The following DPYSL3 variants were observed in gnomAD, a reference collection of about 807,000 sequenced individuals.
DPYSL3 encodes dihydropyrimidinase like 3, also known as dihydropyrimidinase-related protein 3.
Under a neutral mutation model 66.1 loss-of-function variants are expected in DPYSL3, and 16 were observed. The ratio of observed to expected loss-of-function variants is 0.24; its 90% CI spans 0.16 to 0.37. DPYSL3 has a LOEUF of 0.37. DPYSL3 is among the 10% of genes least tolerant of loss of function. The probability of loss-of-function intolerance (pLI) is 1.00; values close to 1 mark genes in which losing one functional copy is unlikely to be tolerated. For synonymous variants in DPYSL3, 338 were observed against 345.1 expected (o/e 0.98, Z 0.23); for missense variants, 738 against 916.2 (o/e 0.81, Z 2.51).
chr5:147,442,929 T>C (rs375573349), intron 1 of DPYSL3, among the ~76,000 whole-genome samples: 41 of 152,336 alleles, frequency 2.7e-4, no homozygotes, highest in African/African-American at 9.4e-4. Context: ...TTATTGTCCT[T>C]ATTGTTTGTG....
At chr5:147,487,041 C>G (rs1187404829) in intron 1 of DPYSL3, among the ~76,000 whole-genome samples, 1 of 152,162 alleles carries the variant, frequency 6.6e-6, no homozygotes, top group African/African-American at 2.4e-5. Flanking sequence ...CTCCGAGAGG[C>G]CTTCTTTTCC....
chr5:147,442,387 G>C (rs111290389), intron 1 of DPYSL3, among the ~76,000 whole-genome samples: 1 of 152,144 alleles, frequency 6.6e-6, no homozygotes, highest in Non-Finnish European at 1.5e-5. Context: ...ATTCAAGAGC[G>C]GGAGGAAATG....
intron 1 of DPYSL3, among the ~76,000 whole-genome samples, chr5:147,443,925 G>A (rs1441344093): frequency 6.6e-6 from 1 of 152,104 alleles, no homozygotes; most frequent in Non-Finnish European, 1.5e-5. Flanking sequence ...GAGGGCTAGA[G>A]GGCTTCCTGA....
At chr5:147,461,603 C>T (rs1752933724) in intron 1 of DPYSL3, among the ~76,000 whole-genome samples, 1 of 152,172 alleles carries the variant, frequency 6.6e-6, no homozygotes, top group African/African-American at 2.4e-5. Context: ...TCACTACGGC[C>T]ACCTACTAAT....
At chr5:147,443,470 G>A (rs1395941611) in intron 1 of DPYSL3, among the ~76,000 whole-genome samples, 1 of 152,048 alleles carries the variant, frequency 6.6e-6, no homozygotes, top group Non-Finnish European at 1.5e-5. Flanking sequence ...ACACACACCA[G>A]GGCCTGTTGG....
intron 8 of DPYSL3, among the ~76,000 whole-genome samples, chr5:147,403,988 C>A (rs1437497742): frequency 6.6e-6 from 1 of 152,148 alleles, no homozygotes; most frequent in Non-Finnish European, 1.5e-5. Context: ...CCCTAGGTCA[C>A]CCTAAGAATG....
intron 1 of DPYSL3, among the ~76,000 whole-genome samples, chr5:147,475,131 C>T (rs530178549): frequency 6.6e-6 from 1 of 152,120 alleles, no homozygotes; most frequent in African/African-American, 2.4e-5. Flanking sequence ...ACTTACATCC[C>T]CGCAAAAACC....
chr5:147,496,674 A>G (rs1413235945), intron 1 of DPYSL3, among the ~76,000 whole-genome samples: 23 of 152,142 alleles, frequency 1.5e-4, no homozygotes, highest in Middle Eastern at 3.4e-3. Context: ...GGCCATCAGA[A>G]AAATGCAAAT....
chr5:147,501,548 G>A (rs552254716), intron 1 of DPYSL3, among the ~76,000 whole-genome samples: 2 of 134,764 alleles, frequency 1.5e-5, no homozygotes, highest in East Asian at 2.2e-4. Flanking sequence ...ATAGTGTCAC[G>A]ATCTGGGCTC....
chr5:147,434,385 G>A (rs1752376745), intron 1 of DPYSL3, among the ~76,000 whole-genome samples: 1 of 152,152 alleles, frequency 6.6e-6, no homozygotes, highest in African/African-American at 2.4e-5. Flanking sequence ...GCCATGGGTG[G>A]AAGCTCTCTT....
intron 1 of DPYSL3, among the ~76,000 whole-genome samples, chr5:147,465,589 T>A (rs1463490266): frequency 6.6e-6 from 1 of 152,256 alleles, no homozygotes; most frequent in East Asian, 1.9e-4. Flanking sequence ...GGTGAGCCAC[T>A]GTTCCCGGCC....
intron 2 of DPYSL3, 117 bp from the exon 3 acceptor site, chr5:147,418,748 T>A: frequency 1.1e-6 from 1 of 937,266 alleles, no homozygotes; most frequent in Non-Finnish European, 1.5e-6. Context: ...TTTATCAAAT[T>A]AAACTTTGCA....
chr5:147,478,373 A>G (rs1465416331), intron 1 of DPYSL3, among the ~76,000 whole-genome samples: 1 of 152,232 alleles, frequency 6.6e-6, no homozygotes, highest in African/African-American at 2.4e-5. Context: ...CCTCAGTAAG[A>G]AAGAAGGAGA....
At chr5:147,475,926 C>G (rs1022713603) in intron 1 of DPYSL3, among the ~76,000 whole-genome samples, 1 of 152,100 alleles carries the variant, frequency 6.6e-6, no homozygotes, top group African/African-American at 2.4e-5. Context: ...GATTCTGTTT[C>G]TGCAGATAAC....
chr5:147,510,066 A>C lies in DPYSL3; in HGVS notation c.-208T>G. The C allele has an allele frequency of 3.9e-6, 3 of 774,822 alleles. No individual in the cohort carries two copies. The highest frequency in any genetic ancestry group is 5.7e-6 in the Non-Finnish European group (3 of 522,536). 48.0% of individuals were successfully genotyped at this position (774,822 alleles called of 1,614,324 possible). A position where few individuals can be genotyped will look rare whatever the true frequency, so the allele number is the denominator to read the frequency against. ...GCTAGCGCGCGGAGCAGGGGCCCAGAGTAGCGCCGCGCTTGGCTCACTCGC... is the reference window on the plus strand; with the variant it reads ...GCTAGCGCGCGGAGCAGGGGCCCAGCGTAGCGCCGCGCTTGGCTCACTCGC... On this transcript the variant is annotated 5_prime_UTR_variant, in exon 1 of 14. Transcript: ENST00000343218.
chr5:147,494,531 T>G (rs796758059), intron 1 of DPYSL3, among the ~76,000 whole-genome samples: 3 of 150,558 alleles, frequency 2.0e-5, no homozygotes, highest in South Asian at 4.2e-4. Flanking sequence ...ATATCAGAAA[T>G]GAAATAGGGA....
At chr5:147,479,406 T>C (rs1249813387) in intron 1 of DPYSL3, among the ~76,000 whole-genome samples, 1 of 152,186 alleles carries the variant, frequency 6.6e-6, no homozygotes, top group Non-Finnish European at 1.5e-5. Context: ...AAATCCCTAG[T>C]GCACAGGACA....
intron 11 of DPYSL3, 137 bp downstream of exon 11, chr5:147,398,945 G>GA: frequency 8.2e-7 from 1 of 1,222,820 alleles, no homozygotes; most frequent in Non-Finnish European, 1.1e-6. Context: ...TTGAGCCACT[G>GA]AGATTTAGGG....
At chr5:147,504,100 T>G (rs1247516457) in intron 1 of DPYSL3, among the ~76,000 whole-genome samples, 1 of 152,212 alleles carries the variant, frequency 6.6e-6, no homozygotes. Flanking sequence ...CCTTGTAAGC[T>G]TTACTCCCTG....
Sources: allele counts gnomAD v4.1 joint callset (sites outside exome capture counted in the v4.1 genomes callset), GRCh38; gene constraint gnomAD v4.1.1; transcripts MANE v1.5; gene names NCBI Gene and HGNC (gene_info 2026-07-23, HGNC 2026-07-21).